The following KARS1 variants were observed in gnomAD, a reference collection of about 807,000 sequenced individuals.
The protein encoded by KARS1 is lysine--tRNA ligase.
A neutral mutation model predicts 63.9 loss-of-function variants in KARS1; 50 were observed. The observed-to-expected ratio is 0.78, with a 90% CI of 0.62 to 0.99. KARS1 has a LOEUF of 0.99. KARS1 is among the 50% of genes least tolerant of loss of function. The probability of loss-of-function intolerance (pLI) is 0.00; values close to 1 mark genes in which losing one functional copy is unlikely to be tolerated. For synonymous variants in KARS1, 320 were observed against 264.6 expected (o/e 1.21, Z -2.03); for missense variants, 816 against 754.5 (o/e 1.08, Z -0.95).
Position 75,636,599 on chromosome 16 carries a change from T to C in KARS1, c.389-52A>G, listed in dbSNP as rs374877940. ...ACTGACAGAACCAGAAGTCATTTTA[T>C]GGTATCAGTGTCAAAAAAAAACTCC... is the stretch of plus-strand genomic sequence containing the variant. On this transcript the variant is annotated intron_variant, in intron 3 of 13. Transcript: ENST00000302445. 6.8e-4 allele frequency: 784 copies of C among 1,148,426 alleles called. 2 individuals carry two copies. Among genetic ancestry groups the C allele is most frequent in the East Asian group, 1.1e-3 (46 of 42,532 alleles). 71.1% of individuals were successfully genotyped at this position (1,148,426 alleles called of 1,614,324 possible).
chr16:75,628,550 G>A lies in KARS1; in HGVS notation c.1695+19C>T, dbSNP rs1293761793. The A allele has an allele frequency of 6.2e-7, 1 of 1,613,100 alleles. No homozygotes were observed. The highest frequency in any genetic ancestry group is 8.5e-7 in the Non-Finnish European group (1 of 1,179,804). ...GCAGCTTCCTCAGGAAGTGTGCTCT[G>A]TGGAGGGTTGCTACGTACCTTGATG... is the stretch of plus-strand genomic sequence containing the variant. On this transcript the variant is annotated intron_variant, in intron 13 of 13. Transcript: ENST00000302445.
intron 1 of KARS1, among the ~76,000 whole-genome samples, chr16:75,645,823 G>A (rs1032134458): frequency 5.5e-5 from 8 of 146,310 alleles, no homozygotes; most frequent in African/African-American, 1.8e-4. Flanking sequence ...ATCCAGCCGG[G>A]GCAACAACGA....
rs141524539 is a variant in KARS1 at position 75,634,320 on chromosome 16, C to T, written c.796-28G>A. On this transcript the variant is annotated intron_variant, in intron 6 of 13. Transcript: ENST00000302445. ...AAAAAAGGCAGGGAGAAACATCAGTCCTTAGATAACCAGAGGCCTTGGGGA... is the reference window on the plus strand; with the variant it reads ...AAAAAAGGCAGGGAGAAACATCAGTTCTTAGATAACCAGAGGCCTTGGGGA... 133 of 1,612,588 alleles carry T rather than the reference C, an allele frequency of 8.2e-5. No homozygotes were observed. The African/African-American group carries it at 9.5e-4, about 11-fold the overall frequency.
At chr16:75,641,497 G>T (rs1273256253) in intron 2 of KARS1, 67 bp downstream of exon 2, 16 of 1,432,732 alleles carry the variant, frequency 1.1e-5, no homozygotes, top group Non-Finnish European at 1.6e-5. Context: ...CAGTCCCAAA[G>T]AATCTGCCAG....
intron 4 of KARS1, 76 bp from the exon 5 acceptor site, chr16:75,636,174 A>G: frequency 1.1e-6 from 1 of 935,442 alleles, no homozygotes; most frequent in African/African-American, 1.6e-5. Context: ...TGGAACCCTC[A>G]CTCAACTGTT....
chr16:75,637,900 C>CAA (rs11386229), intron 3 of KARS1, among the ~76,000 whole-genome samples: 125 of 93,762 alleles, frequency 1.3e-3, no homozygotes, highest in Admixed American at 2.2e-3. Context: ...AAAAAGAGAC[C>CAA]AAAAAAAAAA....
At chr16:75,642,535 T>C (rs1011883508) in intron 1 of KARS1, among the ~76,000 whole-genome samples, 1 of 151,870 alleles carries the variant, frequency 6.6e-6, no homozygotes, top group East Asian at 1.9e-4. Flanking sequence ...AGGCAACATC[T>C]CCAGCCCTCT....
intron 7 of KARS1, among the ~76,000 whole-genome samples, chr16:75,632,117 C>T (rs887235814): frequency 2.6e-5 from 4 of 151,920 alleles, no homozygotes; most frequent in Admixed American, 6.6e-5. Flanking sequence ...CTCGAACTCC[C>T]GACCTCAGGT....
At chr16:75,639,571 CAAAAA>C (rs35021757) in intron 3 of KARS1, among the ~76,000 whole-genome samples, 2 of 79,828 alleles carry the variant, frequency 2.5e-5, no homozygotes, top group African/African-American at 5.2e-5. Flanking sequence ...GACTATATCT[CAAAAA>C]AAAAAAAAAA....
chr16:75,627,780 C>T lies in KARS1; in HGVS notation c.*115G>A. The T allele has an allele frequency of 1.3e-6, 1 of 766,450 alleles. No individual in the cohort carries two copies. Among genetic ancestry groups the T allele is most frequent in the Non-Finnish European group, 2.4e-6 (1 of 413,824 alleles). 47.5% of individuals were successfully genotyped at this position (766,450 alleles called of 1,614,324 possible). A position where few individuals can be genotyped will look rare whatever the true frequency, so the allele number is the denominator to read the frequency against. ...TAATTCCTTGTCTCTCTTCTGATGG[C>T]TGAACAGAACTGCGGTGTCAAATGG... On this transcript the variant is annotated 3_prime_UTR_variant, in exon 14 of 14. Coordinates refer to ENST00000302445, the MANE Select transcript of KARS1 (RefSeq NM_005548.3).
At position 75,644,050 on chromosome 16, in the gene KARS1, T is replaced by A. The variant is rs1369244547; in HGVS notation, c.63-2327A>T. Among the ~76,000 whole-genome samples, 3 of 152,344 alleles carry A rather than the reference T, an allele frequency of 2.0e-5. No homozygotes were observed. In the East Asian group the frequency reaches 5.8e-4, roughly 29 times the overall value. Reference sequence around the variant, plus strand: ...AGAAATTATTTGTTCAAACAAAGGTTTTGTTCTTAGCACTCTTCTAGAATA... The same window carrying A: ...AGAAATTATTTGTTCAAACAAAGGTATTGTTCTTAGCACTCTTCTAGAATA... On this transcript the variant is annotated intron_variant, in intron 1 of 13. Coordinates refer to ENST00000302445, the MANE Select transcript of KARS1 (RefSeq NM_005548.3).
At chr16:75,640,990 G>T (rs1231710519) in intron 2 of KARS1, among the ~76,000 whole-genome samples, 1 of 152,122 alleles carries the variant, frequency 6.6e-6, no homozygotes, top group African/African-American at 2.4e-5. Context: ...ATCACTTGAG[G>T]CCAGGAGTTC....
intron 7 of KARS1, among the ~76,000 whole-genome samples, chr16:75,633,267 A>C (rs923795013): frequency 1.3e-5 from 2 of 152,216 alleles, no homozygotes; most frequent in Admixed American, 6.5e-5. Flanking sequence ...CAGGACTGGC[A>C]AAACAGAGTA....
Position 75,631,739 on chromosome 16 carries a change from A to G in KARS1, c.1032T>C (p.Tyr344=). Residue 344 remains tyrosine, a synonymous_variant, in exon 8 of 14, where the codon TAT becomes TAC. Transcript: ENST00000302445. ...TTTCCATGAGATCGTGATAGTCTGC[A>G]TAGGCCATGTAGAACTCACAGGTGG... ...EFTTCEFYMA[Y]ADYHDLMEIT... 6.2e-7 allele frequency: 1 copy of G among 1,614,246 alleles called. No individual in the cohort carries two copies.
At position 75,631,860 on chromosome 16, in the gene KARS1, C is replaced by G; in HGVS notation, c.916-5G>C. The G allele has an allele frequency of 6.2e-7, 1 of 1,613,698 alleles. No individual in the cohort carries two copies. On this transcript the variant is annotated splice_polypyrimidine_tract_variant and splice_region_variant and intron_variant, in intron 7 of 13. Transcript: ENST00000302445. ...GATGCCACCAACCACAAGCATCTAA[C>G]AACAACACATGGCCACGGTCATGAC...
At position 75,631,527 on chromosome 16, in the gene KARS1, G is replaced by T; in HGVS notation, c.1141C>A (p.Gln381Lys). 6.2e-7 allele frequency: 1 copy of T among 1,614,058 alleles called. No individual in the cohort carries two copies. The highest frequency in any genetic ancestry group is 2.2e-5 in the East Asian group (1 of 44,870). The change falls in exon 9 of 14, where the codon CAA (glutamine) becomes AAA (lysine). Residue 381 changes from glutamine to lysine, a missense_variant. Physicochemically the swap from Gln to Lys is moderately conservative, Grantham distance 53. Coordinates refer to ENST00000302445, the MANE Select transcript of KARS1 (RefSeq NM_005548.3). ...VTYHPDGPEGQAYDVDFTPPF... is the reference protein window; with the variant it reads ...VTYHPDGPEGKAYDVDFTPPF... ...GGGGTGAAGTCAACATCGTAGGCTT[G>T]GCCCTCTGGGCCATCTGGGTGGTAG...
chr16:75,637,204 T>A (rs915763774), intron 3 of KARS1, among the ~76,000 whole-genome samples: 2 of 151,762 alleles, frequency 1.3e-5, no homozygotes, highest in African/African-American at 2.4e-5. Flanking sequence ...GAAAAATCCA[T>A]GGACAAAATT....
At chr16:75,632,293 T>C (rs1005643991) in intron 7 of KARS1, among the ~76,000 whole-genome samples, 2 of 152,204 alleles carry the variant, frequency 1.3e-5, no homozygotes, top group East Asian at 1.9e-4. Flanking sequence ...TCTGGTCAAA[T>C]TGCCAAGCAC....
chr16:75,638,726 T>C lies in KARS1; in HGVS notation c.388+1458A>G, dbSNP rs556176104. Reference sequence around the variant, plus strand: ...GAGAAACAGAAAGTGAAAAGGAGGATAAAATTTAAAAATCAAAGTATAAAG... The same window carrying C: ...GAGAAACAGAAAGTGAAAAGGAGGACAAAATTTAAAAATCAAAGTATAAAG... On this transcript the variant is annotated intron_variant, in intron 3 of 13. Transcript: ENST00000302445. Among the ~76,000 whole-genome samples, 17 of 151,634 alleles carry C rather than the reference T, an allele frequency of 1.1e-4. No individual in the cohort carries two copies. In the South Asian group the frequency reaches 3.5e-3, roughly 32 times the overall value.
Sources: allele counts gnomAD v4.1 joint callset (sites outside exome capture counted in the v4.1 genomes callset), GRCh38; gene constraint gnomAD v4.1.1; transcripts MANE v1.5; gene names NCBI Gene and HGNC (gene_info 2026-07-23, HGNC 2026-07-21).